Variants in PRKG1 observed in about 807,000 individuals in gnomAD.
PRKG1 encodes protein kinase cGMP-dependent 1.
A neutral mutation model predicts 88.1 loss-of-function variants in PRKG1; 35 were observed. The ratio of observed to expected loss-of-function variants is 0.40; its 90% confidence interval spans 0.30 to 0.53. The LOEUF (loss-of-function observed/expected upper bound fraction) is 0.53. Among genes scored for constraint, PRKG1 ranks in the 20% least tolerant of loss-of-function variants. PRKG1 has a pLI of 0.59. For synonymous variants in PRKG1, 303 were observed against 292.5 expected, an observed-to-expected ratio of 1.04 and a Z score of -0.37; for missense variants, 540 against 839.8, an observed-to-expected ratio of 0.64 and a Z score of 4.41.
intron 4 of PRKG1, among the ~76,000 whole-genome samples, chr10:51,872,007 A>G (rs1841170736): frequency 6.6e-6 from 1 of 152,200 alleles, no homozygotes; most frequent in African/African-American, 2.4e-5. Flanking sequence ...TTTCCATTTT[A>G]AACAAAGAGC....
At chr10:52,079,756 C>A (rs1158958188) in intron 7 of PRKG1, among the ~76,000 whole-genome samples, 1 of 152,070 alleles carries the variant, frequency 6.6e-6, no homozygotes, top group Admixed American at 6.6e-5. Context: ...ATGATTCTGG[C>A]CTGCACTTGG....
chr10:51,886,716 T>A (rs1024268096), intron 4 of PRKG1, among the ~76,000 whole-genome samples: 3 of 152,190 alleles, frequency 2.0e-5, no homozygotes, highest in African/African-American at 7.2e-5. Context: ...ATGGCAGCAT[T>A]TATTTCTTTT....
chr10:52,164,125 A>T (rs1224903445), intron 9 of PRKG1, among the ~76,000 whole-genome samples: 1 of 151,820 alleles, frequency 6.6e-6, no homozygotes, highest in Non-Finnish European at 1.5e-5. Context: ...TCAAGGGGGG[A>T]AGATCACCTG....
intron 2 of PRKG1, among the ~76,000 whole-genome samples, chr10:51,277,262 A>C (rs903987734): frequency 1.3e-5 from 2 of 152,204 alleles, no homozygotes; most frequent in Non-Finnish European, 2.9e-5. Flanking sequence ...GTCAAAGATC[A>C]GATGGTTGTA....
intron 5 of PRKG1, among the ~76,000 whole-genome samples, chr10:52,031,339 G>C (rs982802605): frequency 6.6e-6 from 1 of 152,106 alleles, no homozygotes; most frequent in African/African-American, 2.4e-5. Context: ...CATTTTGGTT[G>C]CCATAATAAG....
chr10:50,992,207 G>T (rs899490894), intron 1 of PRKG1, among the ~76,000 whole-genome samples: 1 of 152,054 alleles, frequency 6.6e-6, no homozygotes, highest in Admixed American at 6.5e-5. Context: ...GACAGGGAGA[G>T]GCGGGACAGG....
intron 3 of PRKG1, among the ~76,000 whole-genome samples, chr10:51,582,627 C>T (rs954336959): frequency 2.6e-5 from 4 of 152,094 alleles, no homozygotes; most frequent in Non-Finnish European, 4.4e-5. Context: ...CTGCAAAGGA[C>T]ATGATCTCAT....
At chr10:51,861,089 T>C (rs977585390) in intron 4 of PRKG1, among the ~76,000 whole-genome samples, 7 of 152,202 alleles carry the variant, frequency 4.6e-5, no homozygotes, top group Non-Finnish European at 8.8e-5. Context: ...AAAAAAAGTA[T>C]ACCCATTTTA....
intron 10 of PRKG1, chr10:52,253,560 G>A (rs2132404426): frequency 6.6e-6 from 1 of 151,900 alleles, no homozygotes; most frequent in African/African-American, 2.4e-5. Context: ...GCTCTCGTGT[G>A]TGTGCACACA....
chr10:51,373,900 T>C (rs989384522), intron 2 of PRKG1, among the ~76,000 whole-genome samples: 1 of 151,520 alleles, frequency 6.6e-6, no homozygotes, highest in African/African-American at 2.4e-5. Flanking sequence ...TCCCAGCACT[T>C]TGGGAGGCCG....
At position 51,751,847 on chromosome 10, in the gene PRKG1, C is replaced by T. The variant is rs115576780; in HGVS notation, c.593-52738C>T. The stretch of plus-strand genomic sequence containing the variant: ...TTAGCTCATCATTATATTCTTAGTA[C>T]CTAATCTAGTGCCTGGCCTACATAA... On this transcript the variant is annotated intron_variant, in intron 3 of 17. Transcript: ENST00000373980. Among the ~76,000 whole-genome samples the T allele has an allele frequency of 3.0e-3, 454 of 151,872 alleles. 3 individuals carry two copies. Among genetic ancestry groups the T allele is most frequent in the African/African-American group, 0.01 (427 of 41,388 alleles).
At chr10:51,716,079 C>G (rs543045608) in intron 3 of PRKG1, among the ~76,000 whole-genome samples, 1 of 152,262 alleles carries the variant, frequency 6.6e-6, no homozygotes, top group East Asian at 1.9e-4. Context: ...GCGTGATGGT[C>G]CCTTATTACC....
At chr10:52,157,090 C>T (rs1345337543) in intron 8 of PRKG1, among the ~76,000 whole-genome samples, 1 of 151,004 alleles carries the variant, frequency 6.6e-6, no homozygotes, top group Non-Finnish European at 1.5e-5. Flanking sequence ...GAGACTTTCT[C>T]CCACCCTATT....
intron 3 of PRKG1, among the ~76,000 whole-genome samples, chr10:51,626,211 C>T (rs1489153983): frequency 6.6e-6 from 1 of 152,134 alleles, no homozygotes; most frequent in Non-Finnish European, 1.5e-5. Flanking sequence ...CAGCAGAAAT[C>T]CCCGTGAAAA....
chr10:51,651,096 C>T lies in PRKG1; in HGVS notation c.593-153489C>T, dbSNP rs560592784. ...GCTAAACATTCTACAATGCACAAGA[C>T]GGCCCTTGAAACTAAGAATCAAACA... is the stretch of plus-strand genomic sequence containing the variant. On this transcript the variant is annotated intron_variant, in intron 3 of 17. Transcript: ENST00000373980. Among the ~76,000 whole-genome samples, 7 of 152,244 alleles carry T rather than the reference C, an allele frequency of 4.6e-5. No individual in the cohort carries two copies. In the South Asian group the frequency reaches 1.0e-3, roughly 23 times the overall value.
At chr10:51,234,608 T>C (rs1329683854) in intron 2 of PRKG1, among the ~76,000 whole-genome samples, 1 of 151,954 alleles carries the variant, frequency 6.6e-6, no homozygotes, top group African/African-American at 2.4e-5. Context: ...CCACTTTAAA[T>C]AGAACACGGG....
At chr10:51,322,175 T>A (rs768802798) in intron 2 of PRKG1, among the ~76,000 whole-genome samples, 1 of 152,156 alleles carries the variant, frequency 6.6e-6, no homozygotes, top group Non-Finnish European at 1.5e-5. Flanking sequence ...AAAAAGGGAA[T>A]CTCTGCATTT....
intron 2 of PRKG1, among the ~76,000 whole-genome samples, chr10:51,206,741 C>G (rs1173360736): frequency 6.6e-6 from 1 of 152,110 alleles, no homozygotes. Flanking sequence ...ATCATTGTTG[C>G]TTAAATTGAG....
chr10:51,422,017 A>G (rs771603316), intron 2 of PRKG1, among the ~76,000 whole-genome samples: 4 of 152,306 alleles, frequency 2.6e-5, no homozygotes, highest in Non-Finnish European at 4.4e-5. Context: ...TCACTTCACA[A>G]GCTCTATTTA....
Sources: allele counts gnomAD v4.1 joint callset (sites outside exome capture counted in the v4.1 genomes callset), GRCh38; gene constraint gnomAD v4.1.1; transcripts MANE v1.5; gene names NCBI Gene and HGNC (gene_info 2026-07-23, HGNC 2026-07-21).